Variants in MEI1 observed in about 807,000 individuals in gnomAD.
MEI1 encodes meiosis inhibitor protein 1.
MEI1 carries 103 observed loss-of-function variants against 146.2 expected under a neutral mutation model. That is an observed-to-expected ratio of 0.70 (90% confidence interval 0.60 to 0.83). The LOEUF is 0.83. MEI1 is among the 40% of genes least tolerant of loss of function. The probability of loss-of-function intolerance (pLI) is 0.00; values close to 1 mark genes in which losing one functional copy is unlikely to be tolerated. For synonymous variants in MEI1, 652 were observed against 628.2 expected, an observed-to-expected ratio of 1.04 and a Z score of -0.57; for missense variants, 1,529 against 1,533.0, an observed-to-expected ratio of 1.00 and a Z score of 0.04.
At chr22:41,716,206 T>C (rs1259454122) in intron 5 of MEI1, 60 bp downstream of exon 5, 2 of 1,191,546 alleles carry the variant, frequency 1.7e-6, no homozygotes, top group Non-Finnish European at 2.4e-6. Context: ...CATACTGCCA[T>C]TTGGGTGTCC....
intron 3 of MEI1, among the ~76,000 whole-genome samples, chr22:41,712,811 T>TTG (rs1465403310): frequency 3.5e-5 from 5 of 144,040 alleles, no homozygotes; most frequent in African/African-American, 1.3e-4. Context: ...GTTTGTTTGT[T>TTG]TTTTTTTTTT....
intron 11 of MEI1, 79 bp downstream of exon 11, chr22:41,732,682 A>G: frequency 6.9e-7 from 1 of 1,456,850 alleles, no homozygotes; most frequent in Non-Finnish European, 9.2e-7. Context: ...GCGGATATTT[A>G]AGTATCCCTA....
Position 41,776,122 on chromosome 22 carries a change from A to C in MEI1, c.2565A>C (p.Pro855=). The change falls in exon 21 of 31, where the codon CCA becomes CCC. Residue 855 remains proline, a synonymous_variant. Coordinates refer to ENST00000401548, the MANE Select transcript of MEI1 (RefSeq NM_152513.4). ...CTCAGGACCTCATCTATTCCAGCCCAGTGGACACAGCTCACAAGGTACTGA... is the reference window on the plus strand; with the variant it reads ...CTCAGGACCTCATCTATTCCAGCCCCGTGGACACAGCTCACAAGGTACTGA... The part of the protein sequence containing the change: ...LILLDLIYSS[P]VDTAHKVLIS... 6.2e-7 allele frequency: 1 copy of C among 1,613,906 alleles called. No homozygotes were observed. The highest frequency in any genetic ancestry group is 1.1e-5 in the South Asian group (1 of 91,086).
intron 19 of MEI1, chr22:41,767,489 C>T (rs1487844588): frequency 4.5e-6 from 2 of 445,004 alleles, no homozygotes; most frequent in Non-Finnish European, 9.2e-6. Flanking sequence ...CTGAGGATCC[C>T]CAATAGCCAG....
intron 15 of MEI1, among the ~76,000 whole-genome samples, 176 bp downstream of exon 15, chr22:41,748,394 A>C (rs1172954730): frequency 6.6e-6 from 1 of 152,170 alleles, no homozygotes; most frequent in Non-Finnish European, 1.5e-5. Flanking sequence ...ATCAAAAGTC[A>C]TTAAAGGGGC....
chr22:41,759,029 G>A (rs923524681), intron 18 of MEI1, among the ~76,000 whole-genome samples: 1 of 152,086 alleles, frequency 6.6e-6, no homozygotes, highest in Non-Finnish European at 1.5e-5. Context: ...TGTAATCCCA[G>A]CTACTCTGGA....
intron 20 of MEI1, among the ~76,000 whole-genome samples, chr22:41,772,043 G>C (rs929894711): frequency 2.6e-5 from 4 of 152,144 alleles, no homozygotes; most frequent in African/African-American, 9.6e-5. Flanking sequence ...CCAACATCAT[G>C]GAGTATACTT....
intron 3 of MEI1, among the ~76,000 whole-genome samples, chr22:41,712,702 G>GTGTGTGTA (rs3045420): frequency 6.7e-6 from 1 of 149,696 alleles, no homozygotes; most frequent in Non-Finnish European, 1.5e-5. Flanking sequence ...GTGTGTGTGT[G>GTGTGTGTA]GAGCAATATA....
chr22:41,776,096 G>C lies in MEI1; in HGVS notation c.2545-6G>C. The C allele has an allele frequency of 6.2e-7, 1 of 1,613,702 alleles. No individual in the cohort carries two copies. Among genetic ancestry groups the C allele is most frequent in the Non-Finnish European group, 8.5e-7 (1 of 1,179,700 alleles). ...CTGATCTCTGGCTTTCTTCTCTCCT[G>C]CTCAGGACCTCATCTATTCCAGCCC... On this transcript the variant is annotated splice_polypyrimidine_tract_variant and splice_region_variant and intron_variant, in intron 20 of 30. Transcript: ENST00000401548.
chr22:41,721,865 C>T (rs535414440), intron 6 of MEI1, among the ~76,000 whole-genome samples: 4 of 151,158 alleles, frequency 2.6e-5, no homozygotes, highest in East Asian at 2.0e-4. Flanking sequence ...GGACTACAGG[C>T]GCGTGCTACC....
Position 41,768,501 on chromosome 22 carries a change from G to A in MEI1, c.2269-2185G>A, listed in dbSNP as rs12169651. Reference sequence around the variant, plus strand: ...AAGTATAAGGACTTTGTGTTAGTCAGTTCTCGCATTCTTATAAAGAACTAC... The same window carrying A: ...AAGTATAAGGACTTTGTGTTAGTCAATTCTCGCATTCTTATAAAGAACTAC... On this transcript the variant is annotated intron_variant, in intron 19 of 30. Transcript: ENST00000401548. 4.3e-3 allele frequency among the ~76,000 whole-genome samples: 649 copies of A among 152,182 alleles called. 3 individuals carry two copies. The highest frequency in any genetic ancestry group is 0.015 in the African/African-American group (620 of 41,516).
intron 6 of MEI1, chr22:41,722,233 A>G (rs988903250): frequency 2.9e-4 from 44 of 151,626 alleles, no homozygotes; most frequent in African/African-American, 1.0e-3. Context: ...AGGGTCTTAT[A>G]TTCTGTCTTA....
chr22:41,776,263 AGGAGGTCAG>A lies in MEI1; in HGVS notation c.2707_2710+5del. ...TAGTGGAGCATGGGGCATCCCCATC[AGGAGGTCAG>A]TCTGCAGGTGCTGTGGGCACACTTT... On this transcript the variant is annotated splice_donor_variant and splice_donor_5th_base_variant and coding_sequence_variant and intron_variant, in exon 21 of 31. Coordinates refer to ENST00000401548, the MANE Select transcript of MEI1 (RefSeq NM_152513.4). LOFTEE classifies it high-confidence loss of function. 1 of 1,613,422 alleles carries A rather than the reference AGGAGGTCAG, an allele frequency of 6.2e-7. No individual in the cohort carries two copies. The highest frequency in any genetic ancestry group is 8.5e-7 in the Non-Finnish European group (1 of 1,179,798).
chr22:41,705,672 T>C, intron 3 of MEI1, 118 bp downstream of exon 3: 1 of 827,250 alleles, frequency 1.2e-6, no homozygotes, highest in East Asian at 2.5e-5. Flanking sequence ...AGGAACCCCA[T>C]TAGTTTTCAA....
At chr22:41,798,615 C>A (rs924342856) in intron 30 of MEI1, among the ~76,000 whole-genome samples, 1 of 151,570 alleles carries the variant, frequency 6.6e-6, no homozygotes, top group Admixed American at 6.6e-5. Flanking sequence ...CGCAGTGGCT[C>A]ACACTGTAAT....
At chr22:41,720,741 C>G (rs530146571) in intron 6 of MEI1, among the ~76,000 whole-genome samples, 6 of 149,236 alleles carry the variant, frequency 4.0e-5, no homozygotes, top group Admixed American at 4.0e-4. Context: ...AGATTACAGG[C>G]GCCTGCCACC....
intron 19 of MEI1, among the ~76,000 whole-genome samples, chr22:41,768,602 G>A (rs2074997209): frequency 6.6e-6 from 1 of 152,196 alleles, no homozygotes; most frequent in African/African-American, 2.4e-5. Context: ...AAGCATGGCT[G>A]AGGAGGTCTC....
chr22:41,793,372 G>A (rs573930138), intron 26 of MEI1, among the ~76,000 whole-genome samples: 29 of 151,750 alleles, frequency 1.9e-4, no homozygotes, highest in African/African-American at 6.8e-4. Flanking sequence ...TGCAATCTCA[G>A]CTCACCGCAA....
chr22:41,782,651 T>C (rs2148162893), intron 24 of MEI1, among the ~76,000 whole-genome samples: 1 of 152,346 alleles, frequency 6.6e-6, no homozygotes, highest in South Asian at 2.1e-4. Context: ...CTTTGGCCTC[T>C]AGAGGGGCAA....
Sources: allele counts gnomAD v4.1 joint callset (sites outside exome capture counted in the v4.1 genomes callset), GRCh38; gene constraint gnomAD v4.1.1; transcripts MANE v1.5; gene names NCBI Gene and HGNC (gene_info 2026-07-23, HGNC 2026-07-21).